RORA: variants seen among roughly 807,000 people sequenced by gnomAD.
RORA encodes nuclear receptor ROR-alpha.
A neutral mutation model predicts 69.5 loss-of-function variants in RORA; 7 were observed. The ratio of observed to expected loss-of-function variants is 0.10; its 90% confidence interval spans 0.06 to 0.19. The LOEUF (loss-of-function observed/expected upper bound fraction) is 0.19, where lower values mean the gene tolerates loss of function less well. Ranked by LOEUF, RORA falls within the 10% of genes least tolerant of loss-of-function variation. The pLI is 1.00. For synonymous variants in RORA, 261 were observed against 240.8 expected (o/e 1.08, Z -0.78); for missense variants, 457 against 663.0 (o/e 0.69, Z 3.41).
At chr15:60,515,957 T>TTTA (rs2065868197) in intron 3 of RORA, among the ~76,000 whole-genome samples, 3 of 17,592 alleles carry the variant, frequency 1.7e-4, no homozygotes, top group East Asian at 2.1e-3. Flanking sequence ...ATTTATATAT[T>TTTA]TATATTTATA....
chr15:60,909,350 C>T (rs1891634197), intron 1 of RORA, among the ~76,000 whole-genome samples: 1 of 152,184 alleles, frequency 6.6e-6, no homozygotes, highest in Admixed American at 6.5e-5. Flanking sequence ...GAAACAAAGC[C>T]TGGCACCCCA....
At chr15:60,796,146 C>T (rs984355055) in intron 1 of RORA, among the ~76,000 whole-genome samples, 7 of 152,178 alleles carry the variant, frequency 4.6e-5, no homozygotes, top group Non-Finnish European at 8.8e-5. Flanking sequence ...CACGTCTCCT[C>T]CTGGGTGCGG....
At chr15:61,183,882 GCAATTTTGT>G in intron 1 of RORA, among the ~76,000 whole-genome samples, 1 of 152,200 alleles carries the variant, frequency 6.6e-6, no homozygotes, top group African/African-American at 2.4e-5. Flanking sequence ...TCTCTTCCCA[GCAATTTTGT>G]CAGACAGACA....
At chr15:60,720,478 A>C (rs1391718742) in intron 1 of RORA, among the ~76,000 whole-genome samples, 3 of 152,308 alleles carry the variant, frequency 2.0e-5, no homozygotes, top group Admixed American at 6.5e-5. Flanking sequence ...GGGTACATTT[A>C]ACCATCCTCA....
intron 1 of RORA, among the ~76,000 whole-genome samples, chr15:60,858,692 T>TACACACACACACACACACACACAC: frequency 2.1e-5 from 3 of 142,920 alleles, no homozygotes; most frequent in South Asian, 4.7e-4. Context: ...AGAAAGAAAA[T>TACACACACACACACACACACACAC]ACACACACAC....
At chr15:60,962,738 TG>T (rs1258327782) in intron 1 of RORA, among the ~76,000 whole-genome samples, 5 of 152,194 alleles carry the variant, frequency 3.3e-5, no homozygotes, top group Non-Finnish European at 7.4e-5. Flanking sequence ...AGCCAAGGGT[TG>T]TAACACTCTG....
chr15:60,792,060 A>G (rs1428515342), intron 1 of RORA, among the ~76,000 whole-genome samples: 1 of 152,200 alleles, frequency 6.6e-6, no homozygotes, highest in Non-Finnish European at 1.5e-5. Flanking sequence ...AAATATATAC[A>G]TAATAAATGA....
chr15:60,769,541 C>A (rs2072043009), intron 1 of RORA, among the ~76,000 whole-genome samples: 1 of 152,114 alleles, frequency 6.6e-6, no homozygotes, highest in Non-Finnish European at 1.5e-5. Context: ...ATAAAATAAA[C>A]CATCCTTGAA....
At chr15:60,791,274 C>A (rs1477334599) in intron 1 of RORA, among the ~76,000 whole-genome samples, 1 of 152,152 alleles carries the variant, frequency 6.6e-6, no homozygotes, top group East Asian at 1.9e-4. Flanking sequence ...TTAACGGAGA[C>A]AAAGTGTTTT....
chr15:60,909,385 T>C (rs1891635964), intron 1 of RORA, among the ~76,000 whole-genome samples: 1 of 152,172 alleles, frequency 6.6e-6, no homozygotes, highest in South Asian at 2.1e-4. Context: ...GGATACTAGC[T>C]CTTTAGAACC....
intron 1 of RORA, among the ~76,000 whole-genome samples, chr15:61,105,597 T>C (rs1404976845): frequency 6.6e-6 from 1 of 152,194 alleles, no homozygotes; most frequent in Non-Finnish European, 1.5e-5. Context: ...TCATCTAAAA[T>C]AGCTTCTTTT....
chr15:61,008,821 G>C (rs1001853979), intron 1 of RORA, among the ~76,000 whole-genome samples: 14 of 152,122 alleles, frequency 9.2e-5, no homozygotes, highest in Non-Finnish European at 1.5e-5. Flanking sequence ...AATTAATGAT[G>C]TTGATGTAGA....
chr15:61,033,231 A>T (rs1351995539), intron 1 of RORA, among the ~76,000 whole-genome samples: 1 of 152,190 alleles, frequency 6.6e-6, no homozygotes, highest in Non-Finnish European at 1.5e-5. Flanking sequence ...CGGGTCTTCC[A>T]TGAGGCAAGA....
In RORA at chr15:60,989,297, C is replaced by T. The variant is rs148931107; in HGVS notation, c.166+239756G>A. Among the ~76,000 whole-genome samples the T allele has an allele frequency of 3.1e-3, 469 of 152,256 alleles. 4 individuals are homozygous for T. Among genetic ancestry groups the T allele is most frequent in the African/African-American group, 0.011 (445 of 41,550 alleles). On this transcript the variant is annotated intron_variant, in intron 1 of 10. Transcript: ENST00000335670. ...TATGGATTTGCCTATTATGGATATA[C>T]CATATAAAAGAAATCATGTAATATC...
In RORA at chr15:60,701,638, C is replaced by A. The variant is rs117299648; in HGVS notation, c.167-22952G>T. Among the ~76,000 whole-genome samples the A allele has an allele frequency of 8.9e-3, 1,349 of 152,326 alleles. 9 individuals are homozygous for A. The highest frequency in any genetic ancestry group is 0.014 in the Non-Finnish European group (950 of 68,026). ...TCTGACAATGCCCAGGCCCTCCACCCGCAGCACAGGCTCCGGGGAGTGCCC... is the reference window on the plus strand; with the variant it reads ...TCTGACAATGCCCAGGCCCTCCACCAGCAGCACAGGCTCCGGGGAGTGCCC... On this transcript the variant is annotated intron_variant, in intron 1 of 10. Transcript: ENST00000335670.
rs149790839 is a variant in RORA at position 60,575,882 on chromosome 15, G to T, written c.197-44031C>A. Among the ~76,000 whole-genome samples the T allele has an allele frequency of 8.6e-3, 1,303 of 152,270 alleles. 15 individuals are homozygous for T. Among genetic ancestry groups the T allele is most frequent in the African/African-American group, 0.03 (1,247 of 41,536 alleles). On this transcript the variant is annotated intron_variant, in intron 2 of 10. Transcript: ENST00000335670. ...TCTTACACTTCTGTTTCCCAAATTG[G>T]AAAGTTAGAAGTTTTGTTTTCTTTT...
At chr15:61,035,575 C>T (rs778403629) in intron 1 of RORA, among the ~76,000 whole-genome samples, 6 of 152,134 alleles carry the variant, frequency 3.9e-5, no homozygotes, top group Non-Finnish European at 7.4e-5. Context: ...GGGCAAACCA[C>T]GTGGAGACCT....
At chr15:61,030,183 C>T (rs986730832) in intron 1 of RORA, among the ~76,000 whole-genome samples, 5 of 152,096 alleles carry the variant, frequency 3.3e-5, no homozygotes, top group African/African-American at 1.2e-4. Context: ...AGAGACCTGA[C>T]AACTAGATGT....
intron 5 of RORA, among the ~76,000 whole-genome samples, chr15:60,506,531 A>G (rs2065507244): frequency 6.6e-6 from 1 of 152,136 alleles, no homozygotes; most frequent in African/African-American, 2.4e-5. Flanking sequence ...GAAGAAGAGA[A>G]AGAAAAAAGT....
Sources: allele counts gnomAD v4.1 joint callset (sites outside exome capture counted in the v4.1 genomes callset), GRCh38; gene constraint gnomAD v4.1.1; transcripts MANE v1.5; gene names NCBI Gene and HGNC (gene_info 2026-07-23, HGNC 2026-07-21).